TENM3: variants seen among roughly 807,000 people sequenced by gnomAD.
TENM3 encodes teneurin transmembrane protein 3, also known as teneurin-3.
TENM3 carries 63 observed loss-of-function variants against 255.1 expected under a neutral mutation model. The ratio of observed to expected loss-of-function variants is 0.25; its 90% confidence interval spans 0.20 to 0.30. The LOEUF (loss-of-function observed/expected upper bound fraction) is 0.30, where lower values mean the gene tolerates loss of function less well. TENM3 is among the 10% of genes least tolerant of loss of function. The pLI, the probability that TENM3 is intolerant of heterozygous loss-of-function variation, is 1.00. For synonymous variants in TENM3, 1,306 were observed against 1,322.3 expected (o/e 0.99, Z 0.27); for missense variants, 2,929 against 3,461.1 (o/e 0.85, Z 3.86).
At chr4:181,522,119 AAAAAAAAAAAAG>A in the TENM3 span, among the ~76,000 whole-genome samples, 1 of 150,648 alleles carries the variant, frequency 6.6e-6, no homozygotes, top group Non-Finnish European at 1.5e-5. Context: ...AAAAAAAAAA[AAAAAAAAAAAAG>A]AAGAAGCTAA....
At chr4:182,575,852 T>C (rs1744862485) in intron 3 of TENM3, among the ~76,000 whole-genome samples, 1 of 152,196 alleles carries the variant, frequency 6.6e-6, no homozygotes, top group Non-Finnish European at 1.5e-5. Flanking sequence ...TTTTCATCCC[T>C]AAACATGAAT....
chr4:182,800,376 G>T lies in TENM3; in HGVS notation c.*25G>T, dbSNP rs745381677. 9 of 1,537,730 alleles carry T rather than the reference G, an allele frequency of 5.9e-6. No homozygotes were observed. The African/African-American group carries it at 6.9e-5, about 12-fold the overall frequency. On this transcript the variant is annotated 3_prime_UTR_variant, in exon 28 of 28. Transcript: ENST00000511685. ...ACGCCCGGGCCGCGCCCGCCGAGCC[G>T]CTCACGCCCTGCCCACATTGTCCTG...
the TENM3 span, among the ~76,000 whole-genome samples, chr4:182,094,116 G>A: frequency 3.3e-5 from 5 of 152,112 alleles, no homozygotes; most frequent in Admixed American, 1.3e-4. Flanking sequence ...TGAAGTCACC[G>A]ACAGTAAGAG....
the TENM3 span, among the ~76,000 whole-genome samples, chr4:182,099,550 T>C: frequency 6.0e-4 from 91 of 152,246 alleles, no homozygotes; most frequent in African/African-American, 2.1e-3. Context: ...TTTTGTACCA[T>C]GTTGAGCCTA....
chr4:181,666,094 A>C, the TENM3 span, among the ~76,000 whole-genome samples: 1 of 152,130 alleles, frequency 6.6e-6, no homozygotes, highest in Non-Finnish European at 1.5e-5. Flanking sequence ...ACTCAAACAC[A>C]CTTTTTATTA....
At chr4:181,783,552 T>A in the TENM3 span, among the ~76,000 whole-genome samples, 1 of 152,208 alleles carries the variant, frequency 6.6e-6, no homozygotes, top group African/African-American at 2.4e-5. Flanking sequence ...TTCAGAATCA[T>A]TTTCTCTTTA....
At chr4:181,753,557 G>T in the TENM3 span, among the ~76,000 whole-genome samples, 1 of 151,562 alleles carries the variant, frequency 6.6e-6, no homozygotes, top group Non-Finnish European at 1.5e-5. Context: ...GATTTATCTT[G>T]AGTTCGGTAT....
the TENM3 span, among the ~76,000 whole-genome samples, chr4:181,453,423 G>C: frequency 2.0e-5 from 3 of 152,122 alleles, no homozygotes; most frequent in African/African-American, 7.2e-5. Context: ...AGTTGAGATG[G>C]AGTGGAGGAA....
At chr4:181,915,657 GA>G in the TENM3 span, among the ~76,000 whole-genome samples, 1 of 146,864 alleles carries the variant, frequency 6.8e-6, no homozygotes, top group African/African-American at 2.5e-5. Flanking sequence ...GAGAAGCAGA[GA>G]GGGGAGGGGA....
At chr4:181,530,063 A>T in the TENM3 span, among the ~76,000 whole-genome samples, 1 of 152,186 alleles carries the variant, frequency 6.6e-6, no homozygotes, top group Non-Finnish European at 1.5e-5. Flanking sequence ...TGGAATAATA[A>T]CTGTGTACAA....
chr4:181,718,972 C>T, the TENM3 span, among the ~76,000 whole-genome samples: 6 of 151,750 alleles, frequency 4.0e-5, no homozygotes, highest in East Asian at 1.9e-4. Flanking sequence ...TTTGGGAGGC[C>T]GAGGCGGGTG....
At chr4:181,641,830 A>ATG in the TENM3 span, among the ~76,000 whole-genome samples, 1 of 123,386 alleles carries the variant, frequency 8.1e-6, no homozygotes, top group Non-Finnish European at 1.7e-5. Flanking sequence ...ATATATATAT[A>ATG]TATATATATA....
intron 3 of TENM3, among the ~76,000 whole-genome samples, chr4:182,525,964 C>T (rs547925187): frequency 1.3e-5 from 2 of 152,156 alleles, no homozygotes; most frequent in East Asian, 3.9e-4. Context: ...GCATTAGCCT[C>T]TTTCTTTCTT....
At chr4:181,718,726 A>G in the TENM3 span, among the ~76,000 whole-genome samples, 1 of 151,934 alleles carries the variant, frequency 6.6e-6, no homozygotes, top group Non-Finnish European at 1.5e-5. Flanking sequence ...GTTTCACTCT[A>G]TTAAATTGTA....
chr4:181,484,126 T>A, the TENM3 span, among the ~76,000 whole-genome samples: 2 of 152,082 alleles, frequency 1.3e-5, no homozygotes, highest in Non-Finnish European at 2.9e-5. Context: ...CCTGCGTGTG[T>A]GTATTTTATC....
the TENM3 span, among the ~76,000 whole-genome samples, chr4:182,104,283 C>T: frequency 3.9e-5 from 6 of 152,018 alleles, no homozygotes; most frequent in South Asian, 2.1e-4. Context: ...GAAATCCAAG[C>T]GAGACCAGGT....
the TENM3 span, among the ~76,000 whole-genome samples, chr4:181,745,642 A>G: frequency 6.6e-6 from 1 of 152,114 alleles, no homozygotes; most frequent in African/African-American, 2.4e-5. Flanking sequence ...ATAGATAAGG[A>G]GAGAGCTTGG....
the TENM3 span, among the ~76,000 whole-genome samples, chr4:182,004,449 C>T: frequency 6.6e-6 from 1 of 152,032 alleles, no homozygotes; most frequent in South Asian, 2.1e-4. Context: ...ATGGGTGTAC[C>T]ACATTTTCTT....
rs11939229 is a variant in TENM3, at chr4:182,395,822, G to A, written c.511+48893G>A. On this transcript the variant is annotated intron_variant, in intron 3 of 27. Transcript: ENST00000511685. ...GAAATGCCCCAGATGTTAATTTTTC[G>A]CTCTGCTCTGAAATTGCTAAAATCC... Among the ~76,000 whole-genome samples the A allele has an allele frequency of 9.1e-3, 1,383 of 152,106 alleles. 18 individuals are homozygous for A. Among genetic ancestry groups the A allele is most frequent in the African/African-American group, 0.032 (1,324 of 41,502 alleles).
Sources: gnomAD v4.1 joint callset for allele counts (sites outside exome capture counted in the v4.1 genomes callset) on GRCh38, gnomAD v4.1.1 for gene constraint, MANE v1.5 for transcripts, NCBI Gene and HGNC (gene_info 2026-07-23, HGNC 2026-07-21) for gene names.